CHMP4B: variants seen among roughly 807,000 people sequenced by gnomAD.
CHMP4B encodes SNF7 homolog associated with Alix 1.
In CHMP4B, 1 loss-of-function variant was observed where a neutral mutation model predicts 25.1. The ratio of observed to expected loss-of-function variants is 0.04; its 90% confidence interval spans 0.01 to 0.19. The LOEUF (loss-of-function observed/expected upper bound fraction) is 0.19. Ranked by LOEUF, CHMP4B falls within the 10% of genes least tolerant of loss-of-function variation. The pLI, the probability that CHMP4B is intolerant of heterozygous loss-of-function variation, is 1.00. For missense variants in CHMP4B, 151 were observed against 289.7 expected (o/e 0.52, Z 3.48); for synonymous variants, 101 against 115.6 (o/e 0.87, Z 0.81).
At chr20:33,852,016 G>C in intron 3 of CHMP4B, 61 bp from the exon 4 acceptor site, 1 of 1,610,186 alleles carries the variant, frequency 6.2e-7, no homozygotes, top group Admixed American at 1.7e-5. Flanking sequence ...TAGGTAGGAG[G>C]CATGACCGCG....
chr20:33,811,591 G>A lies in CHMP4B; in HGVS notation c.123G>A (p.Glu41=), dbSNP rs1004448050. 1 of 1,614,044 alleles carries A rather than the reference G, an allele frequency of 6.2e-7. No homozygotes were observed. The highest frequency in any genetic ancestry group is 8.5e-7 in the Non-Finnish European group (1 of 1,179,990). Residue 41 remains glutamate, a synonymous_variant, in exon 1 of 5, where the codon GAG becomes GAA. Transcript: ENST00000217402. ...DTEEMLSKKQ[E]FLEKKIEQEL... is the part of the protein sequence containing the mutation. ...AAGAGATGTTAAGCAAGAAACAGGA[G>A]TTCCTGGAGAAGAAAATCGAGCAGG...
intron 1 of CHMP4B, among the ~76,000 whole-genome samples, chr20:33,843,026 C>T (rs1053309316): frequency 1.6e-4 from 24 of 152,198 alleles, no homozygotes; most frequent in African/African-American, 4.8e-4. Context: ...CTAGTTGTAT[C>T]GAACTGATGT....
intron 1 of CHMP4B, among the ~76,000 whole-genome samples, chr20:33,840,970 T>C (rs1979524127): frequency 6.6e-6 from 1 of 152,236 alleles, no homozygotes; most frequent in Non-Finnish European, 1.5e-5. Flanking sequence ...TAAATGACCG[T>C]TGTAACTTGA....
intron 1 of CHMP4B, among the ~76,000 whole-genome samples, chr20:33,834,149 G>A (rs1417037468): frequency 6.6e-6 from 1 of 152,096 alleles, no homozygotes; most frequent in Non-Finnish European, 1.5e-5. Context: ...TTCCTGGTCA[G>A]TCTGGCTAGA....
chr20:33,832,103 G>T (rs1979268371), intron 1 of CHMP4B, among the ~76,000 whole-genome samples: 1 of 152,034 alleles, frequency 6.6e-6, no homozygotes, highest in African/African-American at 2.4e-5. Flanking sequence ...GTATTTTTCT[G>T]CCGGCATTTC....
In CHMP4B at chr20:33,851,077, T is replaced by G. The variant is rs747159062; in HGVS notation, c.483+11T>G. On this transcript the variant is annotated intron_variant, in intron 3 of 4. Transcript: ENST00000217402. ...GAAGAGTTTGACGAGGTGAGTAGTTTTGTACAGATCCCATAAGCTTCACAA... is the reference window on the plus strand; with the variant it reads ...GAAGAGTTTGACGAGGTGAGTAGTTGTGTACAGATCCCATAAGCTTCACAA... 2.7e-6 allele frequency: 4 copies of G among 1,504,238 alleles called. No individual in the cohort carries two copies. The highest frequency in any genetic ancestry group is 3.7e-6 in the Non-Finnish European group (4 of 1,079,930). The allele number at this position is 1,504,238 out of a possible 1,614,324, so 93.2% of individuals were successfully genotyped here.
At chr20:33,818,758 A>C (rs1401321599) in intron 1 of CHMP4B, among the ~76,000 whole-genome samples, 1 of 152,212 alleles carries the variant, frequency 6.6e-6, no homozygotes, top group Non-Finnish European at 1.5e-5. Context: ...CCGCTTCTAC[A>C]TCACAGATCA....
At chr20:33,819,208 G>A (rs1037066606) in intron 1 of CHMP4B, among the ~76,000 whole-genome samples, 1 of 152,064 alleles carries the variant, frequency 6.6e-6, no homozygotes, top group African/African-American at 2.4e-5. Context: ...CACCGTGCCC[G>A]GCCAGTGTTG....
At chr20:33,851,926 T>C in intron 3 of CHMP4B, 151 bp from the exon 4 acceptor site, 1 of 986,312 alleles carries the variant, frequency 1.0e-6, no homozygotes, top group Non-Finnish European at 1.6e-6. Flanking sequence ...TTTAGGATAT[T>C]TGAATCACAG....
intron 1 of CHMP4B, among the ~76,000 whole-genome samples, chr20:33,834,378 A>G (rs577755645): frequency 6.6e-6 from 1 of 152,190 alleles, no homozygotes; most frequent in South Asian, 2.1e-4. Flanking sequence ...TGGCACAATC[A>G]TAGCTTACTG....
Position 33,853,637 on chromosome 20 carries a change from G to A in CHMP4B, c.*77G>A, listed in dbSNP as rs1979920544. 7.7e-7 allele frequency: 1 copy of A among 1,307,050 alleles called. No homozygotes were observed. The allele number at this position is 1,307,050 out of a possible 1,614,324, so 81.0% of individuals were successfully genotyped here. ...AGCAGGCGTGTGCGTGTGTGGGGCAGGCAGGATGTGGTGCAGGCAGGTTCC... is the reference window on the plus strand; with the variant it reads ...AGCAGGCGTGTGCGTGTGTGGGGCAAGCAGGATGTGGTGCAGGCAGGTTCC... On this transcript the variant is annotated 3_prime_UTR_variant, in exon 5 of 5. Coordinates refer to ENST00000217402, the MANE Select transcript of CHMP4B (RefSeq NM_176812.5).
At chr20:33,840,673 C>T (rs1418946841) in intron 1 of CHMP4B, among the ~76,000 whole-genome samples, 2 of 152,134 alleles carry the variant, frequency 1.3e-5, no homozygotes, top group Non-Finnish European at 2.9e-5. Context: ...TGGTGTGTGT[C>T]TTGTTGGTTT....
chr20:33,823,975 C>T (rs546736874), intron 1 of CHMP4B, among the ~76,000 whole-genome samples: 1 of 152,292 alleles, frequency 6.6e-6, no homozygotes, highest in South Asian at 2.1e-4. Context: ...CACACCCGGC[C>T]CCAGATTGCT....
At chr20:33,834,782 C>T (rs538710479) in intron 1 of CHMP4B, among the ~76,000 whole-genome samples, 5 of 152,144 alleles carry the variant, frequency 3.3e-5, no homozygotes, top group South Asian at 2.1e-4. Context: ...ATTTTCTGTT[C>T]GTGATTCCTA....
In CHMP4B at chr20:33,842,440, G is replaced by A. The variant is rs1377266344; in HGVS notation, c.191-6027G>A. Among the ~76,000 whole-genome samples, 4 of 152,196 alleles carry A rather than the reference G, an allele frequency of 2.6e-5. No homozygotes were observed. In the East Asian group the frequency reaches 7.7e-4, roughly 29 times the overall value. On this transcript the variant is annotated intron_variant, in intron 1 of 4. Transcript: ENST00000217402. ...GGCCAGGCATAGTTCTCCTGGCTAA[G>A]GGCACCCTGAATATCTGAGTTTATT...
intron 1 of CHMP4B, among the ~76,000 whole-genome samples, chr20:33,825,477 A>G (rs1297591171): frequency 1.3e-5 from 2 of 152,104 alleles, no homozygotes; most frequent in Non-Finnish European, 2.9e-5. Context: ...GACACATTAT[A>G]CCAGGAGACT....
intron 3 of CHMP4B, 59 bp from the exon 4 acceptor site, chr20:33,852,018 A>G: frequency 1.9e-6 from 3 of 1,611,562 alleles, no homozygotes; most frequent in Non-Finnish European, 2.5e-6. Context: ...GGTAGGAGGC[A>G]TGACCGCGGG....
At chr20:33,843,298 C>G (rs993282952) in intron 1 of CHMP4B, among the ~76,000 whole-genome samples, 9 of 152,186 alleles carry the variant, frequency 5.9e-5, no homozygotes, top group Admixed American at 3.9e-4. Flanking sequence ...TGTAATTACT[C>G]TCTTGGAACT....
At chr20:33,828,379 C>T (rs1330444588) in intron 1 of CHMP4B, among the ~76,000 whole-genome samples, 1 of 152,178 alleles carries the variant, frequency 6.6e-6, no homozygotes, top group African/African-American at 2.4e-5. Context: ...GTAAATGTGG[C>T]CAACCCTGCC....
Sources: allele counts gnomAD v4.1 joint callset (sites outside exome capture counted in the v4.1 genomes callset), GRCh38; gene constraint gnomAD v4.1.1; transcripts MANE v1.5; gene names NCBI Gene and HGNC (gene_info 2026-07-23, HGNC 2026-07-21).